NHSL2: variants seen among roughly 807,000 people sequenced by gnomAD.
NHSL2 encodes NHS like 2, also known as NHS-like protein 2.
In NHSL2, 27 loss-of-function variants were observed where a neutral mutation model predicts 53.4. The observed-to-expected ratio is 0.51, with a 90% CI of 0.37 to 0.70. NHSL2 has a LOEUF of 0.70. Ranked by LOEUF, NHSL2 falls within the 30% of genes least tolerant of loss-of-function variation. NHSL2 has a pLI of 0.00. For synonymous variants in NHSL2, 408 were observed against 404.1 expected (o/e 1.01, Z -0.12); for missense variants, 892 against 980.1 (o/e 0.91, Z 1.20).
rs764645880 is a variant in NHSL2 at position 71,921,416 on chromosome X, G to A, written c.280+10049G>A. 2.2e-4 allele frequency among the ~76,000 whole-genome samples: 22 copies of A among 101,796 alleles called. 1 individual carries two copies. Among genetic ancestry groups the A allele is most frequent in the East Asian group, 6.2e-4 (2 of 3,246 alleles). The allele number at this position is 101,796 out of a possible 115,157, so 88.4% of individuals were successfully genotyped here. On this transcript the variant is annotated intron_variant, in intron 1 of 7. Transcript: ENST00000633930. ...GCCTGGGTGACAAGAGCAAAACTCC[G>A]TCTCTGAAAAAAAAAAAAAGAGAGA...
At chrX:72,122,610 C>T (rs762137418) in intron 1 of NHSL2, among the ~76,000 whole-genome samples, 1 of 112,113 alleles carries the variant, frequency 8.9e-6, no homozygotes, top group African/African-American at 3.2e-5. Flanking sequence ...GTGGCAGAGC[C>T]AGGGTTCAAA....
chrX:71,924,834 T>C (rs1407468768), intron 1 of NHSL2, among the ~76,000 whole-genome samples: 4 of 112,341 alleles, frequency 3.6e-5, no homozygotes, highest in Admixed American at 2.8e-4. Context: ...CTAATGGAGG[T>C]AATTTTTGGT....
chrX:72,144,704 G>GCGCACACACA lies in NHSL2; in HGVS notation c.*1131_*1132insGCACACACAC, dbSNP rs1447345088. ...CTTGCCAGTTGCTATGGCCCATAAT[G>GCGCACACACA]CACACACACACACACACACACACAC... On this transcript the variant is annotated 3_prime_UTR_variant, in exon 8 of 8. Transcript: ENST00000633930. 6.8e-6 allele frequency: 1 copy of GCGCACACACA among 147,443 alleles called. No individual in the cohort carries two copies. The highest frequency in any genetic ancestry group is 3.7e-5 in the African/African-American group (1 of 27,234). 12.2% of individuals were successfully genotyped at this position (147,443 alleles called of 1,213,427 possible).
chrX:72,080,319 G>A (rs1215112662), intron 1 of NHSL2: 1 of 111,951 alleles, frequency 8.9e-6, no homozygotes, highest in Non-Finnish European at 1.9e-5. Context: ...AAAAGGGAAG[G>A]AACTGGGGCT....
rs768436998 is a variant in NHSL2, at chrX:71,997,897, CACA to C, written c.280+86535_280+86537del. Among the ~76,000 whole-genome samples, 271 of 110,843 alleles carry C rather than the reference CACA, an allele frequency of 2.4e-3. 1 individual carries two copies. Among genetic ancestry groups the C allele is most frequent in the African/African-American group, 9.0e-3 (266 of 29,696 alleles). On this transcript the variant is annotated intron_variant, in intron 1 of 7. Coordinates refer to ENST00000633930, the MANE Select transcript of NHSL2 (RefSeq NM_001013627.3). Reference sequence around the variant, plus strand: ...GCTTAGGATGGGAGCTGGCACTTAGCACAACAAGTGTTAGTTTTTGTTGTTATC... The same window carrying C: ...GCTTAGGATGGGAGCTGGCACTTAGCACAAGTGTTAGTTTTTGTTGTTATC...
intron 1 of NHSL2, among the ~76,000 whole-genome samples, chrX:72,042,377 G>A (rs753465820): frequency 8.9e-6 from 1 of 112,330 alleles, no homozygotes; most frequent in East Asian, 2.8e-4. Context: ...CTACCTCTGC[G>A]AGAGATTGGC....
chrX:71,923,831 C>T (rs1335683871), intron 1 of NHSL2, among the ~76,000 whole-genome samples: 4 of 112,002 alleles, frequency 3.6e-5, no homozygotes, highest in Non-Finnish European at 7.5e-5. Context: ...TGTGGTGGCT[C>T]ATTGCTTCTG....
At chrX:72,014,429 A>C (rs1007528003) in intron 1 of NHSL2, among the ~76,000 whole-genome samples, 2 of 111,780 alleles carry the variant, frequency 1.8e-5, no homozygotes, top group African/African-American at 6.5e-5. Context: ...TTGGAGCTAT[A>C]AACTTCTTTT....
chrX:72,063,620 A>G (rs768248414), intron 1 of NHSL2, among the ~76,000 whole-genome samples: 4 of 110,977 alleles, frequency 3.6e-5, no homozygotes, highest in Middle Eastern at 9.2e-3. Flanking sequence ...CTTTAAACCA[A>G]CTCATTCCAT....
rs2042445525 is a variant in NHSL2, at chrX:72,144,421, A to T, written c.*847A>T. ...GTGTCTGTCAACAGCGATAGGCAGGATCTGCGCCCAGCTCATGCTGCATTC... is the reference window on the plus strand; with the variant it reads ...GTGTCTGTCAACAGCGATAGGCAGGTTCTGCGCCCAGCTCATGCTGCATTC... On this transcript the variant is annotated 3_prime_UTR_variant, in exon 8 of 8. Transcript: ENST00000633930. 2 of 684,145 alleles carry T rather than the reference A, an allele frequency of 2.9e-6. No homozygotes were observed. Among genetic ancestry groups the T allele is most frequent in the Non-Finnish European group, 4.3e-6 (2 of 469,408 alleles). 56.4% of individuals were successfully genotyped at this position (684,145 alleles called of 1,213,427 possible).
intron 1 of NHSL2, among the ~76,000 whole-genome samples, chrX:72,005,753 C>T (rs959407640): frequency 4.5e-5 from 5 of 111,703 alleles, no homozygotes; most frequent in Non-Finnish European, 9.4e-5. Flanking sequence ...GGATTAGGCC[C>T]AGAAGCCCAT....
intron 1 of NHSL2, among the ~76,000 whole-genome samples, chrX:71,961,145 G>A (rs2041865566): frequency 9.0e-6 from 1 of 111,531 alleles, no homozygotes; most frequent in Non-Finnish European, 1.9e-5. Flanking sequence ...TGATGCTATT[G>A]TAAGTGGAAT....
intron 1 of NHSL2, among the ~76,000 whole-genome samples, chrX:71,991,818 T>TTCTCTCTCTCTCTCTCTCTCTCTC (rs59851052): frequency 1.0e-5 from 1 of 99,858 alleles, no homozygotes; most frequent in Admixed American, 1.1e-4. Flanking sequence ...GTCTTTCTCT[T>TTCTCTCTCTCTCTCTCTCTCTCTC]TCTCTCTCTC....
chrX:72,042,198 ATC>A (rs759326549), intron 1 of NHSL2, among the ~76,000 whole-genome samples: 2 of 112,700 alleles, frequency 1.8e-5, no homozygotes, highest in Admixed American at 9.3e-5. Flanking sequence ...TTCTATCCCG[ATC>A]TCTCTCTTCA....
chrX:72,045,965 G>T (rs764191540), intron 1 of NHSL2, among the ~76,000 whole-genome samples: 2 of 111,655 alleles, frequency 1.8e-5, no homozygotes, highest in South Asian at 7.6e-4. Flanking sequence ...TCATAGACAG[G>T]TATAAACACC....
chrX:72,104,056 T>G (rs940210740), intron 1 of NHSL2, among the ~76,000 whole-genome samples: 2 of 112,971 alleles, frequency 1.8e-5, no homozygotes, highest in African/African-American at 6.4e-5. Context: ...TTGTCTTCAT[T>G]AACCTGTAAT....
chrX:72,049,848 C>T (rs751981106), intron 1 of NHSL2, among the ~76,000 whole-genome samples: 1 of 102,416 alleles, frequency 9.8e-6, no homozygotes, highest in Non-Finnish European at 2.0e-5. Context: ...GTGTCACTCA[C>T]TGTTCCCTTT....
chrX:72,091,333 A>G (rs2041896353), intron 1 of NHSL2, among the ~76,000 whole-genome samples: 1 of 111,547 alleles, frequency 9.0e-6, no homozygotes, highest in Non-Finnish European at 1.9e-5. Context: ...GGGCGCCTGT[A>G]GTCCCAGCTA....
rs980888704 is a variant in NHSL2, at chrX:72,132,167, G to T, written c.369G>T (p.Ser123=). The T allele has an allele frequency of 4.3e-6, 5 of 1,166,451 alleles. No homozygotes were observed. Among genetic ancestry groups the T allele is most frequent in the Non-Finnish European group, 5.7e-6 (5 of 872,178 alleles). The change falls in exon 2 of 8, where the codon TCG becomes TCT. Residue 123 remains serine, a synonymous_variant. Coordinates refer to ENST00000633930, the MANE Select transcript of NHSL2 (RefSeq NM_001013627.3). ...WRQPVNVFLS[S]GRPPSVEELL... is the part of the protein sequence containing the mutation. ...AGCCAGTGAACGTGTTCCTCTCCTC[G>T]GGCAGGCCCCCGAGTGTAGAGGAGC...
Sources: gnomAD v4.1 joint callset for allele counts (sites outside exome capture counted in the v4.1 genomes callset) on GRCh38, gnomAD v4.1.1 for gene constraint, MANE v1.5 for transcripts, NCBI Gene and HGNC (gene_info 2026-07-23, HGNC 2026-07-21) for gene names.